The following SH3GL2 variants were observed in gnomAD, a reference collection of about 807,000 sequenced individuals.
The protein encoded by SH3GL2 is endophilin-A1.
In SH3GL2, 24 loss-of-function variants were observed where a neutral mutation model predicts 46.0. The observed-to-expected ratio is 0.52, with a 90% CI of 0.38 to 0.73. SH3GL2 has a LOEUF of 0.73. SH3GL2 is among the 30% of genes least tolerant of loss of function. The pLI, the probability that SH3GL2 is intolerant of heterozygous loss-of-function variation, is 0.00. For synonymous variants in SH3GL2, 196 were observed against 147.1 expected (o/e 1.33, Z -2.40); for missense variants, 413 against 424.2 (o/e 0.97, Z 0.23).
intron 1 of SH3GL2, among the ~76,000 whole-genome samples, chr9:17,595,409 G>A (rs566425741): frequency 1.3e-5 from 2 of 152,218 alleles, no homozygotes; most frequent in Admixed American, 1.3e-4. Context: ...TGTTTAGATT[G>A]GCAGAGATGA....
rs572299152 is a variant in SH3GL2, at chr9:17,702,472, C to T, written c.46-44594C>T. Among the ~76,000 whole-genome samples the T allele has an allele frequency of 4.6e-5, 7 of 151,836 alleles. 1 individual carries two copies. The highest frequency in any genetic ancestry group is 2.1e-4 in the South Asian group (1 of 4,810). ...AAAAAAACACCCATGAGCTGGGTCA[C>T]GAAAAAATTTAAACAGATGGAAAAG... On this transcript the variant is annotated intron_variant, in intron 1 of 8. Coordinates refer to ENST00000380607, the MANE Select transcript of SH3GL2 (RefSeq NM_003026.5).
intron 1 of SH3GL2, chr9:17,653,823 A>G (rs1031759306): frequency 1.0e-6 from 1 of 962,256 alleles, no homozygotes; most frequent in Non-Finnish European, 1.2e-6. Context: ...TCAAAGAAGA[A>G]GACAGATACT....
intron 1 of SH3GL2, among the ~76,000 whole-genome samples, chr9:17,579,812 T>G (rs1818243949): frequency 6.6e-6 from 1 of 152,138 alleles, no homozygotes; most frequent in Non-Finnish European, 1.5e-5. Flanking sequence ...GCCCGCAGGC[T>G]CCAGGGGAAT....
chr9:17,601,583 C>T (rs1197831217), intron 1 of SH3GL2, among the ~76,000 whole-genome samples: 2 of 152,174 alleles, frequency 1.3e-5, no homozygotes, highest in African/African-American at 4.8e-5. Flanking sequence ...ATCAAATCAT[C>T]TTCCCATGTA....
chr9:17,638,450 A>T (rs1251743898), intron 1 of SH3GL2, among the ~76,000 whole-genome samples: 1 of 152,238 alleles, frequency 6.6e-6, no homozygotes, highest in Non-Finnish European at 1.5e-5. Context: ...AAAAGTCAAC[A>T]AGTAAATGAA....
At chr9:17,597,672 A>C (rs1344518200) in intron 1 of SH3GL2, among the ~76,000 whole-genome samples, 4 of 152,228 alleles carry the variant, frequency 2.6e-5, no homozygotes, top group African/African-American at 9.6e-5. Context: ...ATAATTGGAC[A>C]CAACTTGTAG....
chr9:17,796,056 A>G lies in SH3GL2; in HGVS notation c.*313A>G, dbSNP rs1199321664. 4 of 295,216 alleles carry G rather than the reference A, an allele frequency of 1.4e-5. No individual in the cohort carries two copies. In the East Asian group the frequency reaches 2.3e-4, roughly 17 times the overall value. 18.3% of individuals were successfully genotyped at this position (295,216 alleles called of 1,614,324 possible). A position where few individuals can be genotyped will look rare whatever the true frequency, so the allele number is the denominator to read the frequency against. On this transcript the variant is annotated 3_prime_UTR_variant, in exon 9 of 9. Coordinates refer to ENST00000380607, the MANE Select transcript of SH3GL2 (RefSeq NM_003026.5). Reference sequence around the variant, plus strand: ...AGAATATGACCATGAGCCATTTCACAGAAAAACCATCCCACCGAAGATATT... The same window carrying G: ...AGAATATGACCATGAGCCATTTCACGGAAAAACCATCCCACCGAAGATATT...
intron 1 of SH3GL2, among the ~76,000 whole-genome samples, chr9:17,613,968 T>C (rs367697702): frequency 8.7e-4 from 132 of 152,276 alleles, no homozygotes; most frequent in African/African-American, 2.8e-3. Context: ...TCTTGTGTGG[T>C]CACTTTCTAA....
intron 1 of SH3GL2, among the ~76,000 whole-genome samples, chr9:17,646,273 C>T (rs181589213): frequency 3.2e-4 from 49 of 152,150 alleles, no homozygotes; most frequent in Admixed American, 3.0e-3. Flanking sequence ...AGCAATTCCT[C>T]TAACCTTTTA....
chr9:17,638,636 G>A (rs1170155725), intron 1 of SH3GL2, among the ~76,000 whole-genome samples: 3 of 152,214 alleles, frequency 2.0e-5, no homozygotes, highest in East Asian at 3.9e-4. Context: ...TTGTGGGCTT[G>A]GGGGATGTGC....
At chr9:17,721,485 T>C (rs1057081998) in intron 1 of SH3GL2, among the ~76,000 whole-genome samples, 1 of 152,250 alleles carries the variant, frequency 6.6e-6, no homozygotes, top group Non-Finnish European at 1.5e-5. Flanking sequence ...AAATATATTT[T>C]CCATCATTTT....
chr9:17,638,044 CT>C (rs1266482005), intron 1 of SH3GL2, among the ~76,000 whole-genome samples: 1 of 151,950 alleles, frequency 6.6e-6, no homozygotes, highest in Non-Finnish European at 1.5e-5. Flanking sequence ...GTAGTCCCAG[CT>C]ATTCGGGAGG....
intron 2 of SH3GL2, among the ~76,000 whole-genome samples, chr9:17,756,323 T>C (rs990298128): frequency 6.6e-6 from 1 of 152,300 alleles, no homozygotes; most frequent in East Asian, 1.9e-4. Context: ...TTTTTTTATT[T>C]TTATTTTTTA....
chr9:17,785,001 C>T (rs1268541879), intron 3 of SH3GL2, among the ~76,000 whole-genome samples: 1 of 152,176 alleles, frequency 6.6e-6, no homozygotes, highest in African/African-American at 2.4e-5. Context: ...GCATAAGCCA[C>T]CACACTTAGC....
At chr9:17,705,815 G>T (rs1821457095) in intron 1 of SH3GL2, among the ~76,000 whole-genome samples, 1 of 151,976 alleles carries the variant, frequency 6.6e-6, no homozygotes, top group African/African-American at 2.4e-5. Context: ...TAGAGAGTGG[G>T]AGGAGGGTGA....
At chr9:17,768,523 C>T (rs1823384012) in intron 3 of SH3GL2, among the ~76,000 whole-genome samples, 1 of 152,064 alleles carries the variant, frequency 6.6e-6, no homozygotes, top group Admixed American at 6.6e-5. Flanking sequence ...TACCTAAATC[C>T]TCAGCATGGC....
intron 3 of SH3GL2, among the ~76,000 whole-genome samples, chr9:17,774,884 G>T (rs12379450): frequency 6.6e-6 from 1 of 152,042 alleles, no homozygotes; most frequent in Non-Finnish European, 1.5e-5. Context: ...ATATTTGGTA[G>T]AAGTCACTGG....
At chr9:17,658,841 T>C (rs993109058) in intron 1 of SH3GL2, among the ~76,000 whole-genome samples, 13 of 152,226 alleles carry the variant, frequency 8.5e-5, no homozygotes, top group Non-Finnish European at 1.8e-4. Context: ...CTGCTTGCTC[T>C]ACCAAGGTAC....
chr9:17,788,833 G>A (rs1486261632), intron 5 of SH3GL2, among the ~76,000 whole-genome samples: 1 of 152,178 alleles, frequency 6.6e-6, no homozygotes, highest in African/African-American at 2.4e-5. Context: ...GTGTTAAGAT[G>A]TAGATTCCTA....
Sources: gnomAD v4.1 joint callset for allele counts (sites outside exome capture counted in the v4.1 genomes callset) on GRCh38, gnomAD v4.1.1 for gene constraint, MANE v1.5 for transcripts, NCBI Gene and HGNC (gene_info 2026-07-23, HGNC 2026-07-21) for gene names.